The following FBXL7 variants were observed in gnomAD, a reference collection of about 807,000 sequenced individuals.
FBXL7 encodes F-box and leucine rich repeat protein 7, also known as F-box/LRR-repeat protein 7.
FBXL7 carries 12 observed loss-of-function variants against 38.3 expected under a neutral mutation model. That is an observed-to-expected ratio of 0.31 (90% CI 0.20 to 0.51). The LOEUF (loss-of-function observed/expected upper bound fraction) is 0.51, where lower values mean the gene tolerates loss of function less well. Among genes scored for constraint, FBXL7 ranks in the 20% least tolerant of loss-of-function variants. FBXL7 has a pLI of 0.98. For synonymous variants in FBXL7, 297 were observed against 300.9 expected (o/e 0.99, Z 0.13); for missense variants, 567 against 676.4 (o/e 0.84, Z 1.79).
chr5:15,668,929 G>A (rs1261745914), intron 2 of FBXL7, among the ~76,000 whole-genome samples: 2 of 152,168 alleles, frequency 1.3e-5, no homozygotes, highest in Non-Finnish European at 2.9e-5. Flanking sequence ...AAAAATGAAA[G>A]CCTCTATCTG....
At chr5:15,805,064 T>G (rs1737669491) in intron 2 of FBXL7, among the ~76,000 whole-genome samples, 1 of 152,224 alleles carries the variant, frequency 6.6e-6, no homozygotes, top group Non-Finnish European at 1.5e-5. Context: ...TCACCTGCTC[T>G]CTGTATGTGT....
chr5:15,700,723 G>A (rs1196645271), intron 2 of FBXL7, among the ~76,000 whole-genome samples: 2 of 152,124 alleles, frequency 1.3e-5, no homozygotes, highest in African/African-American at 4.8e-5. Context: ...AAACAAACTT[G>A]GTTGATACTT....
At chr5:15,609,381 G>C (rs959691300) in intron 1 of FBXL7, among the ~76,000 whole-genome samples, 5 of 152,216 alleles carry the variant, frequency 3.3e-5, no homozygotes, top group African/African-American at 1.2e-4. Flanking sequence ...GAATGCCAAA[G>C]AATTTGTGGA....
intron 1 of FBXL7, among the ~76,000 whole-genome samples, chr5:15,614,336 C>G (rs986116261): frequency 6.6e-6 from 1 of 151,232 alleles, no homozygotes; most frequent in Non-Finnish European, 1.5e-5. Context: ...ATGGCGCAAT[C>G]TTGGCTCACT....
chr5:15,548,970 G>A (rs565159869), intron 1 of FBXL7, among the ~76,000 whole-genome samples: 1 of 152,298 alleles, frequency 6.6e-6, no homozygotes, highest in East Asian at 1.9e-4. Flanking sequence ...AAATCTTAGG[G>A]TGAAAGCAGA....
At position 15,695,290 on chromosome 5, in the gene FBXL7, G is replaced by A. The variant is rs535484534; in HGVS notation, c.127+79218G>A. ...CAGCTCCCTGTGTCAGACCCTCCCT[G>A]GACACCAAGGATGGAAGGAAATAGA... On this transcript the variant is annotated intron_variant, in intron 2 of 3. Coordinates refer to ENST00000504595, the MANE Select transcript of FBXL7 (RefSeq NM_012304.5). Among the ~76,000 whole-genome samples, 11 of 152,028 alleles carry A rather than the reference G, an allele frequency of 7.2e-5. No homozygotes were observed. The South Asian group carries it at 1.0e-3, about 14-fold the overall frequency.
chr5:15,662,699 G>A (rs1265066629), intron 2 of FBXL7, among the ~76,000 whole-genome samples: 3 of 152,152 alleles, frequency 2.0e-5, no homozygotes, highest in Non-Finnish European at 4.4e-5. Flanking sequence ...GAGGAGACCA[G>A]CTTCAATCTT....
At chr5:15,935,247 G>A (rs890861139) in intron 3 of FBXL7, 4 of 534,570 alleles carry the variant, frequency 7.5e-6, no homozygotes, top group Non-Finnish European at 1.5e-5. Flanking sequence ...GCGCCATCCC[G>A]AGGCTTTGCA....
At chr5:15,732,760 C>T (rs528102323) in intron 2 of FBXL7, among the ~76,000 whole-genome samples, 4 of 152,252 alleles carry the variant, frequency 2.6e-5, no homozygotes, top group African/African-American at 9.6e-5. Flanking sequence ...CAATTTTCTT[C>T]TTCAACTTGC....
At chr5:15,731,267 TCA>T (rs1735575900) in intron 2 of FBXL7, among the ~76,000 whole-genome samples, 1 of 152,164 alleles carries the variant, frequency 6.6e-6, no homozygotes, top group African/African-American at 2.4e-5. Context: ...AATGGAGAAC[TCA>T]CAGTTCCACG....
chr5:15,695,935 T>G (rs577518411), intron 2 of FBXL7, among the ~76,000 whole-genome samples: 24 of 152,326 alleles, frequency 1.6e-4, no homozygotes, highest in Non-Finnish European at 2.4e-4. Flanking sequence ...ATACCAGGTG[T>G]ACGTTCCTCC....
intron 2 of FBXL7, among the ~76,000 whole-genome samples, chr5:15,771,384 T>C (rs1736724240): frequency 1.3e-5 from 2 of 152,236 alleles, no homozygotes; most frequent in Non-Finnish European, 2.9e-5. Flanking sequence ...TTTCATTGCC[T>C]TTTTAGTTAG....
At chr5:15,522,743 C>T (rs1047498758) in intron 1 of FBXL7, among the ~76,000 whole-genome samples, 2 of 152,206 alleles carry the variant, frequency 1.3e-5, no homozygotes, top group Non-Finnish European at 2.9e-5. Context: ...ATATAAGCTA[C>T]TGTCAGCTTT....
intron 1 of FBXL7, among the ~76,000 whole-genome samples, chr5:15,557,233 C>T (rs1217970829): frequency 2.6e-5 from 4 of 152,284 alleles, no homozygotes; most frequent in South Asian, 2.1e-4. Flanking sequence ...CCACTGCGCC[C>T]GGCGGAGCCA....
At chr5:15,774,336 A>G (rs1736805246) in intron 2 of FBXL7, among the ~76,000 whole-genome samples, 1 of 152,040 alleles carries the variant, frequency 6.6e-6, no homozygotes, top group African/African-American at 2.4e-5. Flanking sequence ...AACTTGATCT[A>G]CACGTTCCAT....
intron 2 of FBXL7, among the ~76,000 whole-genome samples, chr5:15,873,308 C>T (rs1446982875): frequency 6.6e-6 from 1 of 152,022 alleles, no homozygotes; most frequent in East Asian, 1.9e-4. Flanking sequence ...CAGGAGAAAG[C>T]GGGAAAGATC....
chr5:15,576,663 C>T (rs1738979300), intron 1 of FBXL7, among the ~76,000 whole-genome samples: 1 of 152,036 alleles, frequency 6.6e-6, no homozygotes, highest in Non-Finnish European at 1.5e-5. Context: ...GTGTGGATCA[C>T]TGACATTGAA....
At chr5:15,648,195 T>A (rs557013575) in intron 2 of FBXL7, among the ~76,000 whole-genome samples, 3 of 152,244 alleles carry the variant, frequency 2.0e-5, no homozygotes, top group Non-Finnish European at 4.4e-5. Flanking sequence ...TCCACTAATA[T>A]TGAACTCATT....
chr5:15,631,614 G>C (rs1740997630), intron 2 of FBXL7, among the ~76,000 whole-genome samples: 1 of 141,800 alleles, frequency 7.1e-6, no homozygotes, highest in African/African-American at 2.7e-5. Context: ...GGAGGTTGCA[G>C]TGAGCCGAGA....
Sources: allele counts gnomAD v4.1 joint callset (sites outside exome capture counted in the v4.1 genomes callset), GRCh38; gene constraint gnomAD v4.1.1; transcripts MANE v1.5; gene names NCBI Gene and HGNC (gene_info 2026-07-23, HGNC 2026-07-21).